CTNNA1: variants seen among roughly 807,000 people sequenced by gnomAD.
The protein encoded by CTNNA1 is catenin alpha-1.
A neutral mutation model predicts 98.4 loss-of-function variants in CTNNA1; 37 were observed. The observed-to-expected ratio is 0.38, with a 90% CI of 0.29 to 0.49. The LOEUF (loss-of-function observed/expected upper bound fraction) is 0.49. CTNNA1 is among the 20% of genes least tolerant of loss of function. The probability of loss-of-function intolerance (pLI) is 0.95; values close to 1 mark genes in which losing one functional copy is unlikely to be tolerated. For synonymous variants in CTNNA1, 404 were observed against 413.2 expected (o/e 0.98, Z 0.27); for missense variants, 761 against 1,147.2 (o/e 0.66, Z 4.86).
intron 13 of CTNNA1, 130 bp downstream of exon 13, chr5:138,925,537 G>C: frequency 7.7e-7 from 1 of 1,303,062 alleles, no homozygotes; most frequent in Non-Finnish European, 1.0e-6. Flanking sequence ...AAAGCTGTTA[G>C]AATGAGATAT....
At chr5:138,759,980 CTTTTTTTTTTTTTTTTTT>C (rs70982734) in intron 1 of CTNNA1, among the ~76,000 whole-genome samples, 1 of 61,232 alleles carries the variant, frequency 1.6e-5, no homozygotes, top group Non-Finnish European at 2.8e-5. Context: ...AATTTCTTTC[CTTTTTTTTTTTTTTTTTT>C]TTTTTTTTTT....
chr5:138,811,242 T>G (rs1440138154), intron 4 of CTNNA1, among the ~76,000 whole-genome samples: 3 of 130,492 alleles, frequency 2.3e-5, no homozygotes, highest in Non-Finnish European at 3.3e-5. Context: ...CCAGATGGGG[T>G]CGCGGCCGGG....
At chr5:138,922,355 G>A (rs1763087741) in intron 11 of CTNNA1, among the ~76,000 whole-genome samples, 2 of 152,300 alleles carry the variant, frequency 1.3e-5, no homozygotes, top group South Asian at 4.1e-4. Flanking sequence ...CATCTATTCA[G>A]TAGGGTACTA....
chr5:138,791,751 T>C (rs1756397931), intron 3 of CTNNA1, among the ~76,000 whole-genome samples: 1 of 150,916 alleles, frequency 6.6e-6, no homozygotes, highest in South Asian at 2.1e-4. Flanking sequence ...CTATAGTTGA[T>C]TTGTGAGCAT....
chr5:138,753,907 CG>C (rs1751302198), intron 1 of CTNNA1: 1 of 154,206 alleles, frequency 6.5e-6, no homozygotes, highest in Admixed American at 6.5e-5. Flanking sequence ...CCGGGCCCCT[CG>C]GCCGCCTTCC....
chr5:138,782,020 T>C lies in CTNNA1; in HGVS notation c.96T>C (p.Leu32=), dbSNP rs1430895867. 1.2e-6 allele frequency: 2 copies of C among 1,608,610 alleles called. No individual in the cohort carries two copies. Among genetic ancestry groups the C allele is most frequent in the South Asian group, 2.2e-5 (2 of 89,436 alleles). ...CAGTTGAGAGACTGTTGGAGCCTCT[T>C]GTTACACAGGTAAGAATCTGAAAAC... ...TLAVERLLEP[L]VTQVTTLVNT... Residue 32 remains leucine, a synonymous_variant, in exon 2 of 18, where the codon CTT becomes CTC. Transcript: ENST00000302763.
At chr5:138,803,662 A>G (rs1251244397) in intron 3 of CTNNA1, among the ~76,000 whole-genome samples, 1 of 152,194 alleles carries the variant, frequency 6.6e-6, no homozygotes, top group Non-Finnish European at 1.5e-5. Flanking sequence ...TAGCCACATT[A>G]TTCCTGTGAT....
At position 138,864,638 on chromosome 5, in the gene CTNNA1, A is replaced by G. The variant is rs149507468; in HGVS notation, c.1063-21574A>G. Among the ~76,000 whole-genome samples, 443 of 152,324 alleles carry G rather than the reference A, an allele frequency of 2.9e-3. 3 individuals are homozygous for G. The highest frequency in any genetic ancestry group is 0.01 in the African/African-American group (416 of 41,574). Reference sequence around the variant, plus strand: ...CCCATAGTTAGCTTAGCCTATGCACAGGAATGAACAAAGACAACTTGTGAG... The same window carrying G: ...CCCATAGTTAGCTTAGCCTATGCACGGGAATGAACAAAGACAACTTGTGAG... On this transcript the variant is annotated intron_variant, in intron 7 of 17. Transcript: ENST00000302763.
chr5:138,808,695 T>TAAA (rs3840113), intron 3 of CTNNA1, among the ~76,000 whole-genome samples: 5 of 147,024 alleles, frequency 3.4e-5, no homozygotes, highest in African/African-American at 1.3e-4. Context: ...GAAAGTGCCT[T>TAAA]AAAAAAAAAA....
intron 1 of CTNNA1, among the ~76,000 whole-genome samples, chr5:138,759,419 C>A (rs374755167): frequency 6.6e-6 from 1 of 152,224 alleles, no homozygotes; most frequent in Non-Finnish European, 1.5e-5. Context: ...CCCCCGCACC[C>A]TCATGATTGC....
At chr5:138,855,228 A>G (rs1763627666) in intron 7 of CTNNA1, among the ~76,000 whole-genome samples, 1 of 152,170 alleles carries the variant, frequency 6.6e-6, no homozygotes, top group South Asian at 2.1e-4. Context: ...TAGTAGAGAC[A>G]GGGATTCACC....
At chr5:138,765,637 G>T (rs1752844233) in intron 1 of CTNNA1, among the ~76,000 whole-genome samples, 1 of 152,078 alleles carries the variant, frequency 6.6e-6, no homozygotes, top group Admixed American at 6.5e-5. Flanking sequence ...AGGAGATCAG[G>T]TTTGGTAAAA....
At chr5:138,820,296 C>G (rs527430022) in intron 5 of CTNNA1, among the ~76,000 whole-genome samples, 1 of 151,916 alleles carries the variant, frequency 6.6e-6, no homozygotes, top group South Asian at 2.1e-4. Context: ...TGTGGCCGCT[C>G]ACACTAGGAG....
chr5:138,861,924 A>G (rs1358175119), intron 7 of CTNNA1, among the ~76,000 whole-genome samples: 3 of 152,210 alleles, frequency 2.0e-5, no homozygotes, highest in African/African-American at 7.2e-5. Context: ...CCCACGGTCA[A>G]GAGATGTGGG....
Position 138,930,671 on chromosome 5 carries a change from C to T in CTNNA1, c.2192+17C>T, listed in dbSNP as rs765433648. The T allele has an allele frequency of 3.1e-6, 5 of 1,604,822 alleles. No homozygotes were observed. Among genetic ancestry groups the T allele is most frequent in the East Asian group, 4.5e-5 (2 of 44,792 alleles). ...CTTTACCCGGTGAGCAGCACCCCGG[C>T]CCCACCAGGCTGCACAGGGGCTACT... On this transcript the variant is annotated intron_variant, in intron 15 of 17. Coordinates refer to ENST00000302763, the MANE Select transcript of CTNNA1 (RefSeq NM_001903.5).
At chr5:138,764,659 C>T (rs1752715106) in intron 1 of CTNNA1, among the ~76,000 whole-genome samples, 5 of 150,984 alleles carry the variant, frequency 3.3e-5, no homozygotes, top group South Asian at 2.1e-4. Flanking sequence ...TTATTAGAGA[C>T]GGGGTTTCTC....
In CTNNA1 at chr5:138,917,748, A is replaced by G. The variant is rs764267687; in HGVS notation, c.1396A>G (p.Asn466Asp). ...AGTTTAATATCTTTTGCAGGTTATTAATGCTGCACTGGCTTTAGCAGCAAA... is the reference window on the plus strand; with the variant it reads ...AGTTTAATATCTTTTGCAGGTTATTGATGCTGCACTGGCTTTAGCAGCAAA... The part of the protein sequence containing the change: ...QLEALCPQVI[N>D]AALALAAKPQ... The change falls in exon 11 of 18, where the codon AAT becomes GAT. Residue 466 changes from asparagine (N) to aspartate (D), a missense_variant. Around this residue, in one of 6 missense-constraint regions of CTNNA1, gnomAD observed 287 missense variants for 436.0 expected, o/e 0.66. Transcript: ENST00000302763. 1 of 1,613,846 alleles carries G rather than the reference A, an allele frequency of 6.2e-7. No homozygotes were observed. Among genetic ancestry groups the G allele is most frequent in the African/African-American group, 1.3e-5 (1 of 74,930 alleles).
At chr5:138,785,066 T>TA (rs925226041) in intron 3 of CTNNA1, among the ~76,000 whole-genome samples, 39 of 148,962 alleles carry the variant, frequency 2.6e-4, no homozygotes, top group South Asian at 1.7e-3. Context: ...ATTAATTAAT[T>TA]TTTTTTTTTT....
At chr5:138,902,781 G>A (rs1343578167) in intron 9 of CTNNA1, among the ~76,000 whole-genome samples, 1 of 152,168 alleles carries the variant, frequency 6.6e-6, no homozygotes, top group Non-Finnish European at 1.5e-5. Context: ...CAGATTTTAT[G>A]TTTGTTGTTC....
Sources: gnomAD v4.1 joint callset for allele counts (sites outside exome capture counted in the v4.1 genomes callset) on GRCh38, gnomAD v4.1.1 for gene constraint, gnomAD v4.1.1 regional missense constraint, MANE v1.5 for transcripts, NCBI Gene and HGNC (gene_info 2026-07-23, HGNC 2026-07-21) for gene names.